The following ASIC2 variants were observed in gnomAD, a reference collection of about 807,000 sequenced individuals.
ASIC2 encodes acid-sensing ion channel 2.
ASIC2 carries 25 observed loss-of-function variants against 57.3 expected under a neutral mutation model. The observed-to-expected ratio is 0.44, with a 90% CI of 0.32 to 0.61. The LOEUF (loss-of-function observed/expected upper bound fraction) is 0.61, where lower values mean the gene tolerates loss of function less well. Ranked by LOEUF, ASIC2 falls within the 20% of genes least tolerant of loss-of-function variation. The pLI is 0.06. For synonymous variants in ASIC2, 319 were observed against 307.5 expected (o/e 1.04, Z -0.39); for missense variants, 641 against 738.1 (o/e 0.87, Z 1.52).
chr17:33,886,686 A>G (rs1438464596), intron 1 of ASIC2, among the ~76,000 whole-genome samples: 1 of 152,040 alleles, frequency 6.6e-6, no homozygotes, highest in African/African-American at 2.4e-5. Flanking sequence ...CCTAAATTAC[A>G]CTGTCCTCTT....
chr17:33,568,933 C>A (rs78479767), intron 1 of ASIC2, among the ~76,000 whole-genome samples: 1 of 152,160 alleles, frequency 6.6e-6, no homozygotes, highest in Non-Finnish European at 1.5e-5. Context: ...ATTTATATCA[C>A]GAAAGGCAGA....
intron 1 of ASIC2, among the ~76,000 whole-genome samples, chr17:33,336,476 C>T (rs986744830): frequency 1.3e-5 from 2 of 152,060 alleles, no homozygotes; most frequent in East Asian, 1.9e-4. Context: ...GTGCCTTCCT[C>T]GCCTCACACT....
intron 1 of ASIC2, among the ~76,000 whole-genome samples, chr17:33,749,936 G>A (rs777780194): frequency 2.0e-5 from 3 of 152,124 alleles, no homozygotes; most frequent in African/African-American, 7.2e-5. Context: ...AGGAGTGCCC[G>A]AGTCTCCCCC....
At chr17:33,942,969 G>T (rs996674483) in intron 1 of ASIC2, among the ~76,000 whole-genome samples, 1 of 152,166 alleles carries the variant, frequency 6.6e-6, no homozygotes, top group Non-Finnish European at 1.5e-5. Flanking sequence ...TGTTAACTTT[G>T]CAAAAGATCT....
chr17:33,848,561 T>C (rs1189847349), intron 1 of ASIC2, among the ~76,000 whole-genome samples: 1 of 152,208 alleles, frequency 6.6e-6, no homozygotes, highest in African/African-American at 2.4e-5. Flanking sequence ...CTAATCTTTT[T>C]ATCTAGTTAT....
chr17:33,201,395 G>A (rs745613297), intron 1 of ASIC2, among the ~76,000 whole-genome samples: 5 of 152,172 alleles, frequency 3.3e-5, no homozygotes, highest in African/African-American at 4.8e-5. Context: ...CTGGAGGCAG[G>A]GACTTGACTC....
chr17:33,659,051 C>A (rs1907166163), intron 1 of ASIC2, among the ~76,000 whole-genome samples: 1 of 152,100 alleles, frequency 6.6e-6, no homozygotes, highest in Admixed American at 6.5e-5. Flanking sequence ...CCTCTTAATC[C>A]CATCACAATA....
intron 1 of ASIC2, among the ~76,000 whole-genome samples, chr17:33,281,079 G>A (rs1045506272): frequency 2.0e-5 from 3 of 152,192 alleles, no homozygotes; most frequent in African/African-American, 4.8e-5. Context: ...AGTGTCATCT[G>A]TAGGCTTAAG....
chr17:33,175,538 C>T lies in ASIC2; in HGVS notation c.709-63471G>A, dbSNP rs913836420. Among the ~76,000 whole-genome samples the T allele has an allele frequency of 2.4e-4, 36 of 149,906 alleles. 1 individual carries two copies. The highest frequency in any genetic ancestry group is 6.8e-3 in the Middle Eastern group (2 of 294). On this transcript the variant is annotated intron_variant, in intron 1 of 9. Coordinates refer to ENST00000225823, the MANE Select transcript of ASIC2 (RefSeq NM_183377.2). ...AAGAAAAATACCCTACTTTTTTTTT[C>T]CAACCAGAATGTGTAGTATTGCGGC...
intron 1 of ASIC2, among the ~76,000 whole-genome samples, chr17:34,151,104 A>AG (rs747949994): frequency 1.5e-4 from 5 of 33,354 alleles, no homozygotes; most frequent in Admixed American, 3.9e-4. Context: ...CTCCATCTCA[A>AG]GAAAAAAAAA....
chr17:33,406,820 G>C (rs1214467163), intron 1 of ASIC2, among the ~76,000 whole-genome samples: 1 of 152,186 alleles, frequency 6.6e-6, no homozygotes, highest in African/African-American at 2.4e-5. Flanking sequence ...TGAGAGCCTA[G>C]AGAATTCTGG....
At chr17:33,232,514 G>A (rs1908145795) in intron 1 of ASIC2, among the ~76,000 whole-genome samples, 1 of 151,322 alleles carries the variant, frequency 6.6e-6, no homozygotes, top group Non-Finnish European at 1.5e-5. Flanking sequence ...GGTATGGTAT[G>A]GCAGCCCAAG....
At chr17:33,135,967 A>C (rs945177828) in intron 1 of ASIC2, among the ~76,000 whole-genome samples, 1 of 152,172 alleles carries the variant, frequency 6.6e-6, no homozygotes, top group Non-Finnish European at 1.5e-5. Context: ...TATTTCAACT[A>C]TAAATGGGGC....
intron 1 of ASIC2, among the ~76,000 whole-genome samples, chr17:33,343,400 G>A (rs765023384): frequency 5.9e-5 from 9 of 152,064 alleles, no homozygotes; most frequent in Non-Finnish European, 1.0e-4. Flanking sequence ...AACTTCCTTG[G>A]ACACTTCCTC....
At chr17:33,842,719 T>A (rs1005149311) in intron 1 of ASIC2, among the ~76,000 whole-genome samples, 6 of 152,124 alleles carry the variant, frequency 3.9e-5, no homozygotes, top group African/African-American at 1.4e-4. Flanking sequence ...AGAGGGATAT[T>A]GACAAACTGG....
intron 1 of ASIC2, among the ~76,000 whole-genome samples, chr17:33,953,894 A>G (rs1162094838): frequency 6.6e-6 from 1 of 152,190 alleles, no homozygotes; most frequent in Non-Finnish European, 1.5e-5. Context: ...GAGAGCTCTG[A>G]ATGTGAGGCT....
Position 33,710,347 on chromosome 17 carries a change from C to A in ASIC2, c.555+445631G>T, listed in dbSNP as rs112257228. Among the ~76,000 whole-genome samples, 392 of 152,352 alleles carry A rather than the reference C, an allele frequency of 2.6e-3. 2 individuals carry two copies. Among genetic ancestry groups the A allele is most frequent in the African/African-American group, 9.0e-3 (375 of 41,584 alleles). On this transcript the variant is annotated intron_variant, in intron 1 of 9. Coordinates refer to the ASIC2 transcript ENST00000359872. ...GTCAAGCAGTCAGTTAGATCCCACA[C>A]ACACAAAGAAAAATAAGACAAAAGC...
At chr17:33,822,249 G>T (rs8080437) in intron 1 of ASIC2, among the ~76,000 whole-genome samples, 1 of 152,218 alleles carries the variant, frequency 6.6e-6, no homozygotes, top group East Asian at 1.9e-4. Flanking sequence ...TGCCTCTCAT[G>T]TAGGTACAAA....
intron 1 of ASIC2, among the ~76,000 whole-genome samples, chr17:33,228,330 G>A (rs997279296): frequency 2.0e-5 from 3 of 152,160 alleles, no homozygotes; most frequent in African/African-American, 7.2e-5. Context: ...TTTATGCAAC[G>A]TAAATGTTAT....
Sources: gnomAD v4.1 joint callset for allele counts (sites outside exome capture counted in the v4.1 genomes callset) on GRCh38, gnomAD v4.1.1 for gene constraint, MANE v1.5 for transcripts, NCBI Gene and HGNC (gene_info 2026-07-23, HGNC 2026-07-21) for gene names.